FHOD3: variants seen among roughly 807,000 people sequenced by gnomAD.
FHOD3 encodes formin homology 2 domain containing 3.
In FHOD3, 90 loss-of-function variants were observed where a neutral mutation model predicts 173.0. The observed-to-expected ratio is 0.52, with a 90% CI of 0.44 to 0.62. The LOEUF (loss-of-function observed/expected upper bound fraction) is 0.62. Ranked by LOEUF, FHOD3 falls within the 20% of genes least tolerant of loss-of-function variation. The pLI, the probability that FHOD3 is intolerant of heterozygous loss-of-function variation, is 0.00. For synonymous variants in FHOD3, 828 were observed against 823.0 expected, an observed-to-expected ratio of 1.01 and a Z score of -0.10; for missense variants, 1,945 against 2,034.7, an observed-to-expected ratio of 0.96 and a Z score of 0.85.
At chr18:36,722,546 A>G (rs1356941196) in intron 19 of FHOD3, among the ~76,000 whole-genome samples, 1 of 152,220 alleles carries the variant, frequency 6.6e-6, no homozygotes, top group Non-Finnish European at 1.5e-5. Flanking sequence ...TATTTGAACT[A>G]GTAACAGCAA....
intron 1 of FHOD3, among the ~76,000 whole-genome samples, chr18:36,310,006 G>C (rs930275492): frequency 3.3e-5 from 5 of 152,206 alleles, no homozygotes; most frequent in African/African-American, 1.2e-4. Flanking sequence ...CCCTCACAGG[G>C]TGAAAAAATG....
chr18:36,428,807 G>A (rs16967846), intron 3 of FHOD3, among the ~76,000 whole-genome samples: 4,003 of 152,174 alleles, frequency 0.026, 165 homozygotes, highest in African/African-American at 0.092. Context: ...AATTTGATTG[G>A]TCCCCTTAGG....
At chr18:36,548,205 A>AG (rs1478860301) in intron 5 of FHOD3, among the ~76,000 whole-genome samples, 2 of 152,042 alleles carry the variant, frequency 1.3e-5, no homozygotes, top group Admixed American at 6.5e-5. Flanking sequence ...AACAAAAAAA[A>AG]AATTCTGTAC....
At chr18:36,505,401 G>C (rs1303972667) in intron 4 of FHOD3, among the ~76,000 whole-genome samples, 1 of 152,172 alleles carries the variant, frequency 6.6e-6, no homozygotes, top group African/African-American at 2.4e-5. Context: ...AGTTCTGTGT[G>C]GAAAGCAATG....
chr18:36,437,181 C>G (rs2050852442), intron 3 of FHOD3, among the ~76,000 whole-genome samples: 1 of 151,504 alleles, frequency 6.6e-6, no homozygotes. Context: ...GCAGTGGTGC[C>G]TTCTTGGCTC....
intron 9 of FHOD3, among the ~76,000 whole-genome samples, chr18:36,624,341 C>A (rs1409765620): frequency 6.6e-6 from 1 of 152,178 alleles, no homozygotes; most frequent in African/African-American, 2.4e-5. Context: ...TAATTTATGA[C>A]AGGGCACACC....
At chr18:36,665,583 G>C (rs367637503) in intron 14 of FHOD3, among the ~76,000 whole-genome samples, 136 of 151,806 alleles carry the variant, frequency 9.0e-4, no homozygotes, top group African/African-American at 2.5e-3. Context: ...TGGCCTGGTG[G>C]GGGGGCAGGG....
At chr18:36,596,336 T>C (rs1385814947) in intron 7 of FHOD3, among the ~76,000 whole-genome samples, 1 of 134,076 alleles carries the variant, frequency 7.5e-6, no homozygotes. Flanking sequence ...TTTTTTTTTT[T>C]TTTTTTTTTT....
chr18:36,587,963 C>T (rs1444034529), intron 6 of FHOD3, among the ~76,000 whole-genome samples: 1 of 152,192 alleles, frequency 6.6e-6, no homozygotes, highest in African/African-American at 2.4e-5. Flanking sequence ...AGCAGGTTGG[C>T]CATCAGGCCC....
intron 17 of FHOD3, among the ~76,000 whole-genome samples, chr18:36,703,405 G>C (rs1038723403): frequency 3.5e-4 from 54 of 152,194 alleles, no homozygotes; most frequent in African/African-American, 1.2e-3. Flanking sequence ...GGATCAAACA[G>C]TCAGAGAGTA....
chr18:36,496,259 G>A (rs948876460), intron 3 of FHOD3, among the ~76,000 whole-genome samples: 30 of 152,288 alleles, frequency 2.0e-4, no homozygotes, highest in African/African-American at 6.5e-4. Context: ...GTCTGTGTGG[G>A]CCTCTCTTGA....
At chr18:36,655,745 C>CCA (rs60138204) in intron 13 of FHOD3, among the ~76,000 whole-genome samples, 2,591 of 137,904 alleles carry the variant, frequency 0.019, 43 homozygotes, top group African/African-American at 0.039. Context: ...CCCTCACCCT[C>CCA]CACACACACA....
At chr18:36,617,392 G>T (rs1599889662) in intron 9 of FHOD3, among the ~76,000 whole-genome samples, 3 of 152,242 alleles carry the variant, frequency 2.0e-5, no homozygotes, top group African/African-American at 7.2e-5. Context: ...TTGACTCTTT[G>T]TAGAATATGC....
At chr18:36,633,057 G>A (rs1227435892) in intron 10 of FHOD3, among the ~76,000 whole-genome samples, 8 of 152,302 alleles carry the variant, frequency 5.3e-5, no homozygotes, top group Admixed American at 2.6e-4. Context: ...TGGGCTGTCC[G>A]CATGCGCAGT....
chr18:36,473,448 C>CT (rs2053392391), intron 3 of FHOD3, among the ~76,000 whole-genome samples: 1 of 152,142 alleles, frequency 6.6e-6, no homozygotes. Flanking sequence ...CTGAGACCTG[C>CT]TGAATCAGAA....
At chr18:36,607,709 A>G (rs1370171224) in intron 8 of FHOD3, among the ~76,000 whole-genome samples, 2 of 152,184 alleles carry the variant, frequency 1.3e-5, no homozygotes, top group Non-Finnish European at 2.9e-5. Context: ...GTTAAGAGTA[A>G]CTATACAACT....
At chr18:36,724,297 T>C (rs947626278) in intron 19 of FHOD3, among the ~76,000 whole-genome samples, 1 of 152,188 alleles carries the variant, frequency 6.6e-6, no homozygotes, top group African/African-American at 2.4e-5. Context: ...ATATTCCTAT[T>C]ACCATGTGTG....
chr18:36,544,427 T>C (rs1393010770), intron 5 of FHOD3: 3 of 152,332 alleles, frequency 2.0e-5, no homozygotes, highest in Non-Finnish European at 4.4e-5. Flanking sequence ...CTTTATTAGT[T>C]GGGGCCAAAG....
chr18:36,770,081 C>A (rs936445242), intron 28 of FHOD3, among the ~76,000 whole-genome samples: 1 of 152,180 alleles, frequency 6.6e-6, no homozygotes, highest in African/African-American at 2.4e-5. Flanking sequence ...TCTGTCTGCC[C>A]CTCTCAGGGA....
Sources: allele counts gnomAD v4.1 joint callset (sites outside exome capture counted in the v4.1 genomes callset), GRCh38; gene constraint gnomAD v4.1.1; transcripts MANE v1.5; gene names NCBI Gene and HGNC (gene_info 2026-07-23, HGNC 2026-07-21).